The following VWA8 variants were observed in gnomAD, a reference collection of about 807,000 sequenced individuals.
The protein encoded by VWA8 is von Willebrand factor A domain-containing protein 8.
VWA8 carries 221 observed loss-of-function variants against 241.5 expected under a neutral mutation model. The observed-to-expected ratio is 0.91, with a 90% CI of 0.82 to 1.02. VWA8 has a LOEUF of 1.02. Among genes scored for constraint, VWA8 ranks in the 50% least tolerant of loss-of-function variants. VWA8 has a pLI of 0.00. For synonymous variants in VWA8, 852 were observed against 827.1 expected, an observed-to-expected ratio of 1.03 and a Z score of -0.52; for missense variants, 2,322 against 2,328.7, an observed-to-expected ratio of 1.00 and a Z score of 0.06.
intron 2 of VWA8, chr13:41,926,891 T>C (rs1876871837): frequency 1.7e-6 from 1 of 575,992 alleles, no homozygotes; most frequent in Admixed American, 1.9e-5. Context: ...GCCCTCTACC[T>C]TGGACCACAG....
At chr13:41,571,297 T>C (rs865830069) in intron 43 of VWA8, among the ~76,000 whole-genome samples, 2,376 of 140,014 alleles carry the variant, frequency 0.017, 68 homozygotes, top group East Asian at 0.087. Flanking sequence ...CCCTCTCCCG[T>C]CTCCCTCTCC....
At chr13:41,905,180 CT>C (rs942758100) in intron 4 of VWA8, 1 of 151,976 alleles carries the variant, frequency 6.6e-6, no homozygotes, top group African/African-American at 2.4e-5. Flanking sequence ...AGCATGACCC[CT>C]CCTCAAGGAT....
At chr13:41,645,938 A>G (rs2044829030) in intron 37 of VWA8, among the ~76,000 whole-genome samples, 1 of 151,558 alleles carries the variant, frequency 6.6e-6, no homozygotes, top group Non-Finnish European at 1.5e-5. Context: ...TTTTCTTCTC[A>G]CTTAAGATTC....
rs2045235737 is a variant in VWA8 at position 41,699,396 on chromosome 13, T to C, written c.3365-126A>G. The C allele has an allele frequency of 3.4e-6, 3 of 878,510 alleles. No individual in the cohort carries two copies. In the African/African-American group the frequency reaches 5.0e-5, roughly 15 times the overall value. The allele number at this position is 878,510 out of a possible 1,614,324, so 54.4% of individuals were successfully genotyped here. On this transcript the variant is annotated intron_variant, in intron 28 of 44. Transcript: ENST00000379310. ...GAGTTGGAACTCAGCAGATGATTTGTATCATGGCTTGATTAGGCTGAAAAG... is the reference window on the plus strand; with the variant it reads ...GAGTTGGAACTCAGCAGATGATTTGCATCATGGCTTGATTAGGCTGAAAAG...
At chr13:41,619,984 TA>T (rs1232006189) in intron 37 of VWA8, among the ~76,000 whole-genome samples, 3 of 152,234 alleles carry the variant, frequency 2.0e-5, no homozygotes, top group Non-Finnish European at 4.4e-5. Context: ...GCTGGCCTCA[TA>T]AAATGAGTTA....
rs150748985 is a variant in VWA8 at position 41,863,360 on chromosome 13, T to TTA, written c.1425+2374_1425+2375dup. Among the ~76,000 whole-genome samples the TTA allele has an allele frequency of 9.2e-3, 1,283 of 139,724 alleles. 12 individuals are homozygous for TTA. The highest frequency in any genetic ancestry group is 0.041 in the East Asian group (195 of 4,718). 91.7% of individuals were successfully genotyped at this position (139,724 alleles called of 152,430 possible). On this transcript the variant is annotated intron_variant, in intron 12 of 44. Coordinates refer to ENST00000379310, the MANE Select transcript of VWA8 (RefSeq NM_015058.2). ...AAGTTAGTACTTAATAAACTCCTCT[T>TTA]TATATATATATATGTGTGTGTGTGT...
chr13:41,644,843 A>G (rs903549922), intron 37 of VWA8, among the ~76,000 whole-genome samples: 9 of 152,242 alleles, frequency 5.9e-5, no homozygotes, highest in South Asian at 4.1e-4. Flanking sequence ...GTAACCAGAA[A>G]TATGCTGTAG....
At chr13:41,926,355 A>G in intron 2 of VWA8, 5 of 572,682 alleles carry the variant, frequency 8.7e-6, no homozygotes, top group South Asian at 7.6e-5. Flanking sequence ...CACATGTATA[A>G]GAAGTTTCTT....
intron 37 of VWA8, among the ~76,000 whole-genome samples, chr13:41,625,873 A>G (rs2044686785): frequency 6.6e-6 from 1 of 151,950 alleles, no homozygotes; most frequent in Non-Finnish European, 1.5e-5. Flanking sequence ...AAAATGTGGC[A>G]CATATACACC....
At chr13:41,951,860 AAC>A in intron 1 of VWA8, among the ~76,000 whole-genome samples, 1 of 152,336 alleles carries the variant, frequency 6.6e-6, no homozygotes, top group South Asian at 2.1e-4. Flanking sequence ...GTAAATCCAT[AAC>A]AGAGTTTTTA....
rs758983080 is a variant in VWA8 at position 41,727,204 on chromosome 13, G to A, written c.2748C>T (p.Phe916=). 88 of 1,544,742 alleles carry A rather than the reference G, an allele frequency of 5.7e-5. No individual in the cohort carries two copies. The highest frequency in any genetic ancestry group is 7.1e-5 in the Non-Finnish European group (81 of 1,145,018). Reference sequence around the variant, plus strand: ...CATTACTGTTTTTACCTAAGGTACCGAAGAAATCATTGCCTAGGAAAGGAA... The same window carrying A: ...CATTACTGTTTTTACCTAAGGTACCAAAGAAATCATTGCCTAGGAAAGGAA... ...PGFPFLGNDF[F]GTLGDIFSCH... is the part of the protein sequence containing the mutation. Residue 916 remains phenylalanine, a synonymous_variant, in exon 24 of 45, where the codon TTC becomes TTT. Transcript: ENST00000379310.
chr13:41,935,613 A>T (rs73185346), intron 2 of VWA8, among the ~76,000 whole-genome samples: 1,885 of 152,142 alleles, frequency 0.012, 13 homozygotes, highest in East Asian at 0.021. Flanking sequence ...TAAAAAGAAA[A>T]ATATATAAAT....
intron 21 of VWA8, among the ~76,000 whole-genome samples, chr13:41,744,397 T>C (rs566486936): frequency 1.1e-4 from 17 of 152,314 alleles, no homozygotes; most frequent in Admixed American, 1.0e-3. Context: ...TCTTCCTGCA[T>C]AAAACATTAT....
At chr13:41,683,475 G>T (rs1426907131) in intron 35 of VWA8, among the ~76,000 whole-genome samples, 1 of 152,146 alleles carries the variant, frequency 6.6e-6, no homozygotes, top group Non-Finnish European at 1.5e-5. Context: ...TGGAATGGGG[G>T]AAGTTTTTGG....
chr13:41,699,945 GT>G (rs988995337), intron 28 of VWA8, among the ~76,000 whole-genome samples: 1 of 152,110 alleles, frequency 6.6e-6, no homozygotes, highest in Non-Finnish European at 1.5e-5. Flanking sequence ...GAGGTTTGGG[GT>G]GGGGTTTCAG....
At chr13:41,873,854 T>C (rs1873764046) in intron 9 of VWA8, among the ~76,000 whole-genome samples, 1 of 152,158 alleles carries the variant, frequency 6.6e-6, no homozygotes, top group Non-Finnish European at 1.5e-5. Flanking sequence ...ACCATCCTGA[T>C]ACCAAAGCCG....
intron 42 of VWA8, among the ~76,000 whole-genome samples, chr13:41,579,893 C>A (rs1328482098): frequency 1.3e-5 from 2 of 152,094 alleles, no homozygotes; most frequent in Non-Finnish European, 2.9e-5. Context: ...ATTGGCCAGA[C>A]TGGAATGCAC....
At chr13:41,736,146 TACAAG>T (rs2045523247) in intron 21 of VWA8, among the ~76,000 whole-genome samples, 1 of 152,164 alleles carries the variant, frequency 6.6e-6, no homozygotes, top group Non-Finnish European at 1.5e-5. Flanking sequence ...GTCTTTCCAG[TACAAG>T]ACATTTATCA....
At chr13:41,939,229 G>A (rs772808235) in intron 2 of VWA8, among the ~76,000 whole-genome samples, 2 of 152,186 alleles carry the variant, frequency 1.3e-5, no homozygotes, top group Admixed American at 6.5e-5. Context: ...CTATGCTGGA[G>A]CACAACCTCG....
Sources: gnomAD v4.1 joint callset for allele counts (sites outside exome capture counted in the v4.1 genomes callset) on GRCh38, gnomAD v4.1.1 for gene constraint, MANE v1.5 for transcripts, NCBI Gene and HGNC (gene_info 2026-07-23, HGNC 2026-07-21) for gene names.